GRM8: variants seen among roughly 807,000 people sequenced by gnomAD.
GRM8 encodes the protein metabotropic glutamate receptor 8.
In GRM8, 47 loss-of-function variants were observed where a neutral mutation model predicts 87.2. The observed-to-expected ratio is 0.54, with a 90% confidence interval of 0.43 to 0.69. GRM8 has a LOEUF of 0.69. Ranked by LOEUF, GRM8 falls within the 30% of genes least tolerant of loss-of-function variation. The probability of loss-of-function intolerance (pLI) is 0.00; values close to 1 mark genes in which losing one functional copy is unlikely to be tolerated. For missense variants in GRM8, 1,019 were observed against 1,139.2 expected (o/e 0.89, Z 1.52); for synonymous variants, 396 against 404.5 (o/e 0.98, Z 0.25).
intron 6 of GRM8, among the ~76,000 whole-genome samples, chr7:126,809,357 ATTT>A (rs1432840312): frequency 6.6e-6 from 1 of 152,152 alleles, no homozygotes; most frequent in African/African-American, 2.4e-5. Context: ...TTACCACAAC[ATTT>A]TACCTGACAT....
chr7:126,831,803 G>A (rs552533870), intron 6 of GRM8, among the ~76,000 whole-genome samples: 24 of 152,238 alleles, frequency 1.6e-4, no homozygotes, highest in Admixed American at 5.2e-4. Context: ...GCTGTAGACC[G>A]GAGCTGTTCC....
At chr7:127,092,809 A>G (rs1824277334) in intron 3 of GRM8, among the ~76,000 whole-genome samples, 1 of 152,242 alleles carries the variant, frequency 6.6e-6, no homozygotes, top group Non-Finnish European at 1.5e-5. Context: ...CTCTCTTGCC[A>G]TGTGGCAGTA....
intron 6 of GRM8, among the ~76,000 whole-genome samples, chr7:126,811,567 A>G (rs1410411878): frequency 2.0e-5 from 3 of 151,932 alleles, no homozygotes; most frequent in African/African-American, 7.2e-5. Flanking sequence ...TTCCTTGTAG[A>G]CATCGTTCAC....
intron 3 of GRM8, among the ~76,000 whole-genome samples, chr7:127,023,374 CA>C (rs1816466428): frequency 6.6e-6 from 1 of 151,888 alleles, no homozygotes; most frequent in African/African-American, 2.4e-5. Context: ...CTTATTATGG[CA>C]AAACCTATTT....
chr7:127,247,808 A>C (rs1798656452), intron 1 of GRM8, among the ~76,000 whole-genome samples: 2 of 151,944 alleles, frequency 1.3e-5, no homozygotes, highest in Non-Finnish European at 2.9e-5. Context: ...ATAATAAGGG[A>C]ATATGAGATT....
chr7:126,452,652 G>T (rs1802753514), intron 9 of GRM8, among the ~76,000 whole-genome samples: 1 of 151,612 alleles, frequency 6.6e-6, no homozygotes, highest in South Asian at 2.1e-4. Context: ...GGCTGGGAGA[G>T]AAATGTAATC....
chr7:126,477,272 T>C (rs1470087709), intron 9 of GRM8, among the ~76,000 whole-genome samples: 3 of 152,056 alleles, frequency 2.0e-5, no homozygotes, highest in Non-Finnish European at 4.4e-5. Flanking sequence ...GGTCAAAGCA[T>C]ACAAAGTTTC....
At chr7:127,028,787 G>A (rs1817065279) in intron 3 of GRM8, among the ~76,000 whole-genome samples, 1 of 151,858 alleles carries the variant, frequency 6.6e-6, no homozygotes, top group Admixed American at 6.6e-5. Flanking sequence ...CCCACCTCCT[G>A]GATTCATTGA....
intron 3 of GRM8, among the ~76,000 whole-genome samples, chr7:127,057,565 C>CTT (rs1820123340): frequency 2.6e-5 from 4 of 152,026 alleles, no homozygotes; most frequent in African/African-American, 9.7e-5. Flanking sequence ...CAAAGTAAAA[C>CTT]ATATTTGAAA....
intron 3 of GRM8, among the ~76,000 whole-genome samples, chr7:127,097,774 T>C (rs1824816009): frequency 6.6e-6 from 1 of 152,198 alleles, no homozygotes; most frequent in Non-Finnish European, 1.5e-5. Context: ...AATCTCATAA[T>C]TGAAAAAGAG....
intron 7 of GRM8, among the ~76,000 whole-genome samples, chr7:126,694,956 G>A (rs548395869): frequency 3.9e-5 from 6 of 152,238 alleles, no homozygotes; most frequent in Non-Finnish European, 7.4e-5. Context: ...GAAACAGAAT[G>A]TAAGTGGTCC....
chr7:126,942,746 G>A (rs533200076), intron 3 of GRM8, among the ~76,000 whole-genome samples: 1 of 152,280 alleles, frequency 6.6e-6, no homozygotes, highest in East Asian at 1.9e-4. Flanking sequence ...GCAGAGTGAA[G>A]ATGAGACTCA....
chr7:127,196,537 A>AC (rs963745895), intron 2 of GRM8, among the ~76,000 whole-genome samples: 24 of 151,638 alleles, frequency 1.6e-4, no homozygotes, highest in South Asian at 8.4e-4. Flanking sequence ...AAACAAACAA[A>AC]AAAAAAAACA....
At chr7:126,935,705 T>C (rs1806240884) in intron 3 of GRM8, among the ~76,000 whole-genome samples, 1 of 152,158 alleles carries the variant, frequency 6.6e-6, no homozygotes, top group Non-Finnish European at 1.5e-5. Flanking sequence ...TGATAACAGT[T>C]CAACTGAGAT....
At chr7:127,202,414 G>A (rs2116567565) in intron 2 of GRM8, among the ~76,000 whole-genome samples, 1 of 152,274 alleles carries the variant, frequency 6.6e-6, no homozygotes, top group Non-Finnish European at 1.5e-5. Flanking sequence ...CTGGACTCAA[G>A]TGATCTGCCT....
At chr7:126,955,988 A>T (rs1808640222) in intron 3 of GRM8, among the ~76,000 whole-genome samples, 1 of 152,124 alleles carries the variant, frequency 6.6e-6, no homozygotes, top group South Asian at 2.1e-4. Flanking sequence ...CAAGTTCAAG[A>T]GTGAGTAAAT....
intron 3 of GRM8, among the ~76,000 whole-genome samples, chr7:126,945,436 A>G (rs764710374): frequency 1.3e-5 from 2 of 152,212 alleles, no homozygotes; most frequent in Admixed American, 6.5e-5. Context: ...CCAAAATTCA[A>G]AACTTTTTGA....
chr7:126,517,866 C>T (rs1812406047), intron 9 of GRM8, among the ~76,000 whole-genome samples: 1 of 152,062 alleles, frequency 6.6e-6, no homozygotes, highest in Admixed American at 6.6e-5. Context: ...GAGAACTCGT[C>T]ACCTATATGG....
rs185106954 is a variant in GRM8 at position 126,613,538 on chromosome 7, G to A, written c.1358-4040C>T. Among the ~76,000 whole-genome samples the A allele has an allele frequency of 6.6e-5, 10 of 152,288 alleles. No homozygotes were observed. The East Asian group carries it at 1.7e-3, about 26-fold the overall frequency. ...CTTGTCGGACAGTGTGGACAGGACAGTGGGTGCAGCCCACCGAGTGTGAGC... is the reference window on the plus strand; with the variant it reads ...CTTGTCGGACAGTGTGGACAGGACAATGGGTGCAGCCCACCGAGTGTGAGC... On this transcript the variant is annotated intron_variant, in intron 7 of 10. Transcript: ENST00000339582.
Sources: gnomAD v4.1 joint callset for allele counts (sites outside exome capture counted in the v4.1 genomes callset) on GRCh38, gnomAD v4.1.1 for gene constraint, MANE v1.5 for transcripts, NCBI Gene and HGNC (gene_info 2026-07-23, HGNC 2026-07-21) for gene names.